The following LARGE1 variants were observed in gnomAD, a reference collection of about 807,000 sequenced individuals.
LARGE1 encodes the protein xylosyl- and glucuronyltransferase LARGE1.
Under a neutral mutation model 87.6 loss-of-function variants are expected in LARGE1, and 43 were observed. The ratio of observed to expected loss-of-function variants is 0.49; its 90% CI spans 0.38 to 0.63. The LOEUF is 0.63. Ranked by LOEUF, LARGE1 falls within the 30% of genes least tolerant of loss-of-function variation. LARGE1 has a pLI of 0.00. For synonymous variants in LARGE1, 434 were observed against 394.6 expected (o/e 1.10, Z -1.18); for missense variants, 802 against 1,000.2 (o/e 0.80, Z 2.67).
the LARGE1 span, among the ~76,000 whole-genome samples, chr22:33,099,126 C>T: frequency 6.6e-6 from 1 of 152,052 alleles, no homozygotes; most frequent in African/African-American, 2.4e-5. Flanking sequence ...AGGGTCCCAG[C>T]CAGAGAGCCT....
chr22:33,880,949 T>A (rs554307788), intron 1 of LARGE1, among the ~76,000 whole-genome samples: 2 of 152,344 alleles, frequency 1.3e-5, no homozygotes, highest in East Asian at 3.9e-4. Flanking sequence ...ATACTTTGAA[T>A]GTATGTTAAT....
intron 1 of LARGE1, among the ~76,000 whole-genome samples, chr22:33,838,455 A>G (rs1049374468): frequency 6.6e-6 from 1 of 152,188 alleles, no homozygotes; most frequent in Admixed American, 6.6e-5. Context: ...CCTGAGCAAC[A>G]GGGCAAGACC....
At chr22:33,329,079 G>A (rs1937484808) in intron 10 of LARGE1, among the ~76,000 whole-genome samples, 1 of 152,182 alleles carries the variant, frequency 6.6e-6, no homozygotes, top group South Asian at 2.1e-4. Context: ...GGAGAGACCA[G>A]AATGACTAAT....
At chr22:33,623,975 A>G (rs2149067178) in intron 4 of LARGE1, among the ~76,000 whole-genome samples, 1 of 152,282 alleles carries the variant, frequency 6.6e-6, no homozygotes, top group East Asian at 1.9e-4. Context: ...GGTTTCAGTG[A>G]GCCAAGATCA....
chr22:33,208,646 A>C (rs1924808535), intron 11 of LARGE1, among the ~76,000 whole-genome samples: 1 of 152,010 alleles, frequency 6.6e-6, no homozygotes, highest in Non-Finnish European at 1.5e-5. Flanking sequence ...ATAGGTATAC[A>C]CGTGCCATGG....
chr22:33,728,483 G>A (rs1362588685), intron 2 of LARGE1, among the ~76,000 whole-genome samples: 4 of 137,808 alleles, frequency 2.9e-5, no homozygotes, highest in African/African-American at 7.8e-5. Context: ...AGGCTGCAGT[G>A]AGCCAAGATC....
intron 1 of LARGE1, among the ~76,000 whole-genome samples, chr22:33,892,668 C>T (rs1339869894): frequency 6.6e-6 from 1 of 152,202 alleles, no homozygotes; most frequent in African/African-American, 2.4e-5. Flanking sequence ...ACAGCCTTGT[C>T]AAGACACATG....
chr22:33,391,764 CCT>C (rs1569122071), intron 7 of LARGE1, among the ~76,000 whole-genome samples: 6 of 141,872 alleles, frequency 4.2e-5, no homozygotes, highest in East Asian at 2.0e-4. Context: ...TTTCCTTTTT[CCT>C]TTTTTTTTTT....
intron 5 of LARGE1, among the ~76,000 whole-genome samples, chr22:33,596,847 A>T (rs1047726302): frequency 6.6e-6 from 1 of 152,234 alleles, no homozygotes; most frequent in African/African-American, 2.4e-5. Flanking sequence ...TTTAACTGCA[A>T]TCAATCTTCA....
intron 6 of LARGE1, among the ~76,000 whole-genome samples, chr22:33,434,494 T>C (rs1473116846): frequency 6.6e-6 from 1 of 152,118 alleles, no homozygotes; most frequent in African/African-American, 2.4e-5. Context: ...AGAGACGGGG[T>C]TTCACCGTGT....
chr22:33,907,731 A>T (rs2065497153), intron 1 of LARGE1, among the ~76,000 whole-genome samples: 2 of 152,104 alleles, frequency 1.3e-5, no homozygotes, highest in Admixed American at 6.5e-5. Flanking sequence ...AGTAGGTGGG[A>T]CTACAGGCGC....
At chr22:33,447,235 G>A (rs1394777576) in intron 6 of LARGE1, among the ~76,000 whole-genome samples, 3 of 152,224 alleles carry the variant, frequency 2.0e-5, no homozygotes, top group African/African-American at 7.2e-5. Flanking sequence ...CCACTATGTG[G>A]AGTAGGATCA....
chr22:33,330,287 C>T (rs1022150999), intron 10 of LARGE1, among the ~76,000 whole-genome samples: 1 of 152,038 alleles, frequency 6.6e-6, no homozygotes, highest in African/African-American at 2.4e-5. Flanking sequence ...TGGAAGAGTC[C>T]TGGGGTTTCT....
At chr22:33,762,692 T>C (rs1003245098) in intron 1 of LARGE1, among the ~76,000 whole-genome samples, 3 of 152,198 alleles carry the variant, frequency 2.0e-5, no homozygotes, top group Non-Finnish European at 4.4e-5. Flanking sequence ...CTGGCCGTGA[T>C]GTGTCAACGG....
intron 1 of LARGE1, among the ~76,000 whole-genome samples, chr22:33,895,060 G>C (rs1438931381): frequency 2.0e-5 from 3 of 152,104 alleles, no homozygotes; most frequent in African/African-American, 7.2e-5. Flanking sequence ...ATATTGGAGA[G>C]GCAAGTGGGG....
chr22:33,506,454 G>T (rs1257532734), intron 6 of LARGE1, among the ~76,000 whole-genome samples: 1 of 152,130 alleles, frequency 6.6e-6, no homozygotes, highest in Admixed American at 6.5e-5. Flanking sequence ...AACCCAGCAT[G>T]TACAATTCCA....
chr22:33,243,519 G>A (rs1230224015), intron 11 of LARGE1, among the ~76,000 whole-genome samples: 1 of 152,066 alleles, frequency 6.6e-6, no homozygotes, highest in Non-Finnish European at 1.5e-5. Flanking sequence ...TTAATGTCAG[G>A]CAATTTTTCT....
At position 33,362,911 on chromosome 22, in the gene LARGE1, C is replaced by T. The variant is rs560866652; in HGVS notation, c.1131+19008G>A. Among the ~76,000 whole-genome samples, 20 of 149,840 alleles carry T rather than the reference C, an allele frequency of 1.3e-4. No homozygotes were observed. In the South Asian group the frequency reaches 4.2e-3, roughly 31 times the overall value. On this transcript the variant is annotated intron_variant, in intron 9 of 14. Transcript: ENST00000397394. ...TGTTTCACTTTGAATGAAAGGACACCGATAACCACAGAAGATGCATGAGGG... is the reference window on the plus strand; with the variant it reads ...TGTTTCACTTTGAATGAAAGGACACTGATAACCACAGAAGATGCATGAGGG...
chr22:33,397,776 T>C (rs1303466322), intron 7 of LARGE1, among the ~76,000 whole-genome samples: 3 of 152,238 alleles, frequency 2.0e-5, no homozygotes, highest in Non-Finnish European at 4.4e-5. Flanking sequence ...GTATTCCAAT[T>C]GCTCCGCAGT....
Sources: allele counts gnomAD v4.1 joint callset (sites outside exome capture counted in the v4.1 genomes callset), GRCh38; gene constraint gnomAD v4.1.1; transcripts MANE v1.5; gene names NCBI Gene and HGNC (gene_info 2026-07-23, HGNC 2026-07-21).